The following BCL2L13 variants were observed in gnomAD, a reference collection of about 807,000 sequenced individuals.
BCL2L13 encodes the protein bcl-2-like protein 13.
In BCL2L13, 13 loss-of-function variants were observed where a neutral mutation model predicts 25.8. The ratio of observed to expected loss-of-function variants is 0.50; its 90% CI spans 0.33 to 0.80. The LOEUF (loss-of-function observed/expected upper bound fraction) is 0.80, where lower values mean the gene tolerates loss of function less well. BCL2L13 is among the 30% of genes least tolerant of loss of function. The pLI is 0.02. For synonymous variants in BCL2L13, 244 were observed against 230.3 expected (o/e 1.06, Z -0.54); for missense variants, 504 against 574.9 (o/e 0.88, Z 1.26).
intron 3 of BCL2L13, among the ~76,000 whole-genome samples, chr22:17,687,840 G>A (rs2059990768): frequency 1.0e-5 from 1 of 96,486 alleles, no homozygotes; most frequent in Non-Finnish European, 2.0e-5. Context: ...TTTTTGAGAA[G>A]GAGTTTCACT....
At chr22:17,690,796 G>T (rs193241417) in intron 4 of BCL2L13, among the ~76,000 whole-genome samples, 1 of 152,180 alleles carries the variant, frequency 6.6e-6, no homozygotes, top group East Asian at 1.9e-4. Context: ...GTCGTATTTG[G>T]ATTTTCTTAA....
chr22:17,710,026 C>T (rs1020363614), intron 6 of BCL2L13, among the ~76,000 whole-genome samples: 11 of 144,208 alleles, frequency 7.6e-5, no homozygotes, highest in Non-Finnish European at 1.0e-4. Flanking sequence ...GCCAAGATTG[C>T]GCCACTGACC....
chr22:17,694,880 T>A (rs925614863), intron 4 of BCL2L13, among the ~76,000 whole-genome samples: 4 of 152,236 alleles, frequency 2.6e-5, no homozygotes, highest in African/African-American at 9.6e-5. Context: ...TTTCAGTCTG[T>A]GGTCAGAGAG....
chr22:17,683,285 G>A lies in BCL2L13; in HGVS notation c.193G>A (p.Glu65Lys), dbSNP rs983915187. The A allele has an allele frequency of 3.8e-6, 6 of 1,591,470 alleles. No homozygotes were observed. Among genetic ancestry groups the A allele is most frequent in the African/African-American group, 1.4e-5 (1 of 73,940 alleles). The change falls in exon 3 of 7, where the codon GAA (glutamate) becomes AAA (lysine). Residue 65 changes from glutamate to lysine, a missense_variant. Physicochemically the swap from Glu to Lys is moderately conservative, Grantham distance 56. Transcript: ENST00000317582. ...ATTAAAAGTTAAAACTGAAATTGAA[G>A]AAGAGCTAAAATCTCTGGACAAAGA... ...ILLKVKTEIE[E>K]ELKSLDKEIS...
At chr22:17,646,956 T>TATATATA (rs1491502012) in intron 1 of BCL2L13, among the ~76,000 whole-genome samples, 5 of 14,406 alleles carry the variant, frequency 3.5e-4, no homozygotes, top group Non-Finnish European at 4.9e-4. Context: ...TATATATATA[T>TATATATA]TTTTTTTTTT....
At chr22:17,656,335 CTTTTT>C (rs890631679) in intron 2 of BCL2L13, among the ~76,000 whole-genome samples, 4 of 57,876 alleles carry the variant, frequency 6.9e-5, no homozygotes, top group African/African-American at 1.7e-4. Context: ...TCATTTTATT[CTTTTT>C]TTTTTTTTTT....
chr22:17,684,087 C>G (rs1480456403), intron 3 of BCL2L13, among the ~76,000 whole-genome samples: 1 of 151,934 alleles, frequency 6.6e-6, no homozygotes, highest in African/African-American at 2.4e-5. Context: ...TAATGCTGCA[C>G]TGAACATCTT....
At chr22:17,655,569 C>T in intron 1 of BCL2L13, 93 bp from the exon 2 acceptor site, 1 of 1,030,858 alleles carries the variant, frequency 9.7e-7, no homozygotes. Flanking sequence ...GACTCTACCT[C>T]AAAAGAGTTG....
intron 1 of BCL2L13, among the ~76,000 whole-genome samples, chr22:17,631,091 T>C (rs1376992485): frequency 1.3e-5 from 2 of 151,380 alleles, no homozygotes; most frequent in African/African-American, 4.9e-5. Context: ...AGGCCAGTTG[T>C]AGAAAATCAC....
chr22:17,702,552 T>C, intron 6 of BCL2L13, 166 bp downstream of exon 6: 1 of 586,248 alleles, frequency 1.7e-6, no homozygotes, highest in Non-Finnish European at 2.7e-6. Context: ...CAAGTGATCC[T>C]GCCTCAGGTC....
chr22:17,680,568 T>C (rs1197457856), intron 2 of BCL2L13, among the ~76,000 whole-genome samples: 1 of 123,940 alleles, frequency 8.1e-6, no homozygotes, highest in Non-Finnish European at 1.6e-5. Flanking sequence ...CCTAGAAAGG[T>C]TGGACATAAG....
chr22:17,631,685 TA>T (rs2058024684), intron 1 of BCL2L13, among the ~76,000 whole-genome samples: 1 of 40,226 alleles, frequency 2.5e-5, no homozygotes, highest in South Asian at 1.4e-3. Flanking sequence ...TATATATATA[TA>T]TATATATATA....
intron 6 of BCL2L13, among the ~76,000 whole-genome samples, chr22:17,726,059 C>T (rs932306453): frequency 2.6e-5 from 4 of 152,096 alleles, no homozygotes; most frequent in South Asian, 2.1e-4. Flanking sequence ...CAAAAAGTTT[C>T]GGATTTTGGG....
intron 4 of BCL2L13, among the ~76,000 whole-genome samples, chr22:17,694,517 AT>A (rs899461379): frequency 6.7e-6 from 1 of 149,096 alleles, no homozygotes; most frequent in Non-Finnish European, 1.5e-5. Context: ...AAAAAAAAAA[AT>A]TTTTTTTTAA....
intron 3 of BCL2L13, among the ~76,000 whole-genome samples, chr22:17,688,543 T>C (rs773742049): frequency 1.3e-5 from 2 of 152,196 alleles, no homozygotes; most frequent in Non-Finnish European, 2.9e-5. Context: ...GATTAGCTTA[T>C]TATAACATGT....
chr22:17,714,102 G>A (rs1179465609), intron 6 of BCL2L13, among the ~76,000 whole-genome samples: 2 of 151,804 alleles, frequency 1.3e-5, no homozygotes, highest in Non-Finnish European at 2.9e-5. Flanking sequence ...GACCATCCTG[G>A]CTAACATGGT....
chr22:17,649,871 C>CTTTTT (rs71201855), intron 1 of BCL2L13, among the ~76,000 whole-genome samples: 30 of 94,368 alleles, frequency 3.2e-4, no homozygotes, highest in Non-Finnish European at 4.6e-4. Flanking sequence ...TTTTTCTTTT[C>CTTTTT]TTTTTTTTTT....
At position 17,688,968 on chromosome 22, in the gene BCL2L13, C is replaced by A; in HGVS notation, c.230-18C>A. 6.2e-7 allele frequency: 1 copy of A among 1,602,474 alleles called. No individual in the cohort carries two copies. Among genetic ancestry groups the A allele is most frequent in the Non-Finnish European group, 8.5e-7 (1 of 1,176,362 alleles). On this transcript the variant is annotated intron_variant, in intron 3 of 6. Transcript: ENST00000317582. ...ATATTGTTTATTATATTAGGTTTTT[C>A]TTTTGTCCTATCTTCAGCCTTCACC... is the stretch of plus-strand genomic sequence containing the variant.
rs566595598 is a variant in BCL2L13, at chr22:17,702,734, T to C, written c.600+348T>C. The C allele has an allele frequency of 7.8e-5, 13 of 165,676 alleles. No individual in the cohort carries two copies. In the South Asian group the frequency reaches 1.2e-3, roughly 15 times the overall value. The allele number at this position is 165,676 out of a possible 1,614,324, so 10.3% of individuals were successfully genotyped here. ...TTACTTAGAAATGTATTTTTTAATTTCTAAATACTTACAGGTTTAAAAATT... is the reference window on the plus strand; with the variant it reads ...TTACTTAGAAATGTATTTTTTAATTCCTAAATACTTACAGGTTTAAAAATT... On this transcript the variant is annotated intron_variant, in intron 6 of 6. Transcript: ENST00000317582.
Sources: allele counts gnomAD v4.1 joint callset (sites outside exome capture counted in the v4.1 genomes callset), GRCh38; gene constraint gnomAD v4.1.1; transcripts MANE v1.5; gene names NCBI Gene and HGNC (gene_info 2026-07-23, HGNC 2026-07-21).